The following CSMD3 variants were observed in gnomAD, a reference collection of about 807,000 sequenced individuals.
The protein encoded by CSMD3 is CUB and sushi domain-containing protein 3.
CSMD3 carries 177 observed loss-of-function variants against 435.2 expected under a neutral mutation model. The observed-to-expected ratio is 0.41, with a 90% CI of 0.36 to 0.46. The LOEUF (loss-of-function observed/expected upper bound fraction) is 0.46. Ranked by LOEUF, CSMD3 falls within the 20% of genes least tolerant of loss-of-function variation. The pLI is 0.34. For missense variants in CSMD3, 4,265 were observed against 4,504.6 expected (o/e 0.95, Z 1.52); for synonymous variants, 1,656 against 1,520.5 (o/e 1.09, Z -2.07).
At chr8:112,779,251 T>C (rs988712099) in intron 13 of CSMD3, among the ~76,000 whole-genome samples, 11 of 151,834 alleles carry the variant, frequency 7.2e-5, no homozygotes, top group Admixed American at 5.3e-4. Flanking sequence ...CATTAATATG[T>C]GGGTTAATCT....
At chr8:112,490,243 A>G (rs1820550654) in intron 31 of CSMD3, among the ~76,000 whole-genome samples, 1 of 152,196 alleles carries the variant, frequency 6.6e-6, no homozygotes, top group Admixed American at 6.5e-5. Flanking sequence ...TTAGAGATTT[A>G]AAAGTCAAGA....
At chr8:113,047,938 C>A (rs986038268) in intron 5 of CSMD3, among the ~76,000 whole-genome samples, 34 of 151,966 alleles carry the variant, frequency 2.2e-4, no homozygotes, top group African/African-American at 8.2e-4. Flanking sequence ...AGGTCTGTAT[C>A]TTATAAAGTT....
In CSMD3 at chr8:112,459,617, T is replaced by C. The variant is rs561071644; in HGVS notation, c.5395+12974A>G. 6.6e-5 allele frequency among the ~76,000 whole-genome samples: 10 copies of C among 152,276 alleles called. No homozygotes were observed. The South Asian group carries it at 1.2e-3, about 19-fold the overall frequency. ...TCCCTGGGTTATCTGACTACTCAAT[T>C]AGACAATATACTAACAAGAACAATT... On this transcript the variant is annotated intron_variant, in intron 32 of 70. Coordinates refer to ENST00000297405, the MANE Select transcript of CSMD3 (RefSeq NM_198123.2).
chr8:112,489,125 G>A (rs779518740), intron 31 of CSMD3, among the ~76,000 whole-genome samples: 1 of 152,072 alleles, frequency 6.6e-6, no homozygotes, highest in East Asian at 1.9e-4. Flanking sequence ...TGACTTTTAA[G>A]TATTAAGTTA....
chr8:112,875,586 G>A (rs2081259710), intron 10 of CSMD3, among the ~76,000 whole-genome samples: 1 of 152,032 alleles, frequency 6.6e-6, no homozygotes, highest in Non-Finnish European at 1.5e-5. Flanking sequence ...CTTTCACATA[G>A]TCCCATATTT....
intron 11 of CSMD3, among the ~76,000 whole-genome samples, chr8:112,840,345 A>C (rs1213895252): frequency 1.3e-5 from 2 of 151,612 alleles, no homozygotes; most frequent in Non-Finnish European, 3.0e-5. Context: ...CTTTCCATTT[A>C]TTTGTGTCCT....
intron 5 of CSMD3, among the ~76,000 whole-genome samples, chr8:113,033,971 C>G (rs1482487116): frequency 1.3e-5 from 2 of 151,414 alleles, no homozygotes; most frequent in Non-Finnish European, 3.0e-5. Context: ...TGTATACTCT[C>G]TCTATCTCCT....
At chr8:112,633,474 C>T (rs886874865) in intron 22 of CSMD3, among the ~76,000 whole-genome samples, 2 of 151,968 alleles carry the variant, frequency 1.3e-5, no homozygotes, top group South Asian at 2.1e-4. Context: ...ATTAAACTTA[C>T]TTTCACAATA....
intron 27 of CSMD3, among the ~76,000 whole-genome samples, chr8:112,534,767 T>A (rs1825889914): frequency 6.6e-6 from 1 of 152,208 alleles, no homozygotes; most frequent in African/African-American, 2.4e-5. Context: ...TGAACATTGA[T>A]GCAAAAATCC....
chr8:113,430,506 G>A (rs2094665755), intron 1 of CSMD3, among the ~76,000 whole-genome samples: 4 of 152,064 alleles, frequency 2.6e-5, no homozygotes, highest in South Asian at 2.1e-4. Context: ...CTGTAGGGTC[G>A]CTCAAATTTT....
At chr8:112,663,059 A>G (rs1399283905) in intron 17 of CSMD3, among the ~76,000 whole-genome samples, 1 of 152,052 alleles carries the variant, frequency 6.6e-6, no homozygotes, top group African/African-American at 2.4e-5. Context: ...AAATAGGAAC[A>G]CTTTTACACT....
In CSMD3 at chr8:113,248,048, C is replaced by T. The variant is rs79352813; in HGVS notation, c.514+30544G>A. Among the ~76,000 whole-genome samples, 718 of 152,158 alleles carry T rather than the reference C, an allele frequency of 4.7e-3. 16 individuals are homozygous for T. In the East Asian group the frequency reaches 0.071, roughly 15 times the overall value. ...CATTTATGAAGGGACCACACTGCATCTGACTCTCAAGAAATTCATAGAACA... is the reference window on the plus strand; with the variant it reads ...CATTTATGAAGGGACCACACTGCATTTGACTCTCAAGAAATTCATAGAACA... On this transcript the variant is annotated intron_variant, in intron 3 of 70. Transcript: ENST00000297405.
intron 10 of CSMD3, among the ~76,000 whole-genome samples, chr8:112,911,796 TTA>T (rs2082425467): frequency 6.8e-6 from 1 of 147,420 alleles, no homozygotes; most frequent in Non-Finnish European, 1.5e-5. Context: ...TATAATTATG[TTA>T]TATATTATAT....
chr8:112,638,729 T>C lies in CSMD3; in HGVS notation c.3493A>G (p.Ile1165Val). 3.7e-6 allele frequency: 6 copies of C among 1,603,096 alleles called. No homozygotes were observed. Among genetic ancestry groups the C allele is most frequent in the South Asian group, 3.3e-5 (3 of 90,830 alleles). The change falls in exon 21 of 71, where the codon ATA becomes GTA. Residue 1165 changes from isoleucine (I) to valine (V), a missense_variant. Ile to Val is a conservative substitution (Grantham distance 29). Transcript: ENST00000297405. ...AQLRFISDFS[I>V]SYEGFNITFS... is the part of the protein sequence containing the mutation. ...GTTATGTTAAATCCTTCATATGATA[T>C]TGAAAAATCTGAAATGAAACGCAAT...
At chr8:112,385,537 G>A (rs1017322538) in intron 36 of CSMD3, among the ~76,000 whole-genome samples, 2 of 99,672 alleles carry the variant, frequency 2.0e-5, no homozygotes, top group African/African-American at 4.7e-5. Context: ...ACTGCATTGG[G>A]TGAAGAAAGT....
intron 22 of CSMD3, among the ~76,000 whole-genome samples, chr8:112,632,599 T>C (rs1300514566): frequency 6.6e-6 from 1 of 152,032 alleles, no homozygotes. Context: ...GCTCGTTGTT[T>C]ATTTGCAACA....
At chr8:112,721,396 G>A (rs1222059381) in intron 13 of CSMD3, among the ~76,000 whole-genome samples, 1 of 151,940 alleles carries the variant, frequency 6.6e-6, no homozygotes, top group Non-Finnish European at 1.5e-5. Context: ...CCAACATAGC[G>A]AAACCCTGTC....
chr8:112,263,586 C>A (rs1816643002), intron 61 of CSMD3, 53 bp downstream of exon 61: 2 of 1,478,730 alleles, frequency 1.4e-6, no homozygotes, highest in Non-Finnish European at 1.9e-6. Flanking sequence ...CATATTTGGT[C>A]TAGAAAAATT....
intron 32 of CSMD3, among the ~76,000 whole-genome samples, chr8:112,413,450 A>G (rs756530807): frequency 1.1e-4 from 17 of 152,164 alleles, no homozygotes; most frequent in Non-Finnish European, 2.9e-5. Flanking sequence ...TTAATACCTG[A>G]GACTTCATCC....
Sources: allele counts gnomAD v4.1 joint callset (sites outside exome capture counted in the v4.1 genomes callset), GRCh38; gene constraint gnomAD v4.1.1; transcripts MANE v1.5; gene names NCBI Gene and HGNC (gene_info 2026-07-23, HGNC 2026-07-21).